Variants in CRIM1 observed in about 807,000 individuals in gnomAD.
CRIM1 encodes cysteine-rich motor neuron 1 protein.
A neutral mutation model predicts 116.4 loss-of-function variants in CRIM1; 32 were observed. That is an observed-to-expected ratio of 0.27 (90% CI 0.21 to 0.37). The LOEUF (loss-of-function observed/expected upper bound fraction) is 0.37, where lower values mean the gene tolerates loss of function less well. Among genes scored for constraint, CRIM1 ranks in the 10% least tolerant of loss-of-function variants. The pLI, the probability that CRIM1 is intolerant of heterozygous loss-of-function variation, is 1.00. For synonymous variants in CRIM1, 590 were observed against 509.2 expected (o/e 1.16, Z -2.13); for missense variants, 1,331 against 1,354.8 (o/e 0.98, Z 0.28).
At chr2:36,487,643 T>A (rs1298722323) in intron 7 of CRIM1, among the ~76,000 whole-genome samples, 1 of 152,074 alleles carries the variant, frequency 6.6e-6, no homozygotes, top group African/African-American at 2.4e-5. Flanking sequence ...AGGCACTTTG[T>A]CTTCTATGAC....
intron 7 of CRIM1, among the ~76,000 whole-genome samples, chr2:36,483,609 G>A (rs547951058): frequency 1.4e-4 from 21 of 152,266 alleles, no homozygotes; most frequent in South Asian, 4.1e-4. Context: ...GTGCCTCTGC[G>A]CTGCAGTGCA....
chr2:36,382,008 C>T (rs554446882), intron 1 of CRIM1, among the ~76,000 whole-genome samples: 2 of 152,282 alleles, frequency 1.3e-5, no homozygotes, highest in East Asian at 3.9e-4. Context: ...CTGTTACCTC[C>T]CTCAAAGAGG....
chr2:36,434,884 T>G (rs989945479), intron 2 of CRIM1, among the ~76,000 whole-genome samples: 1 of 152,176 alleles, frequency 6.6e-6, no homozygotes, highest in African/African-American at 2.4e-5. Flanking sequence ...GCTTTGTGTT[T>G]TGTGTGCTTT....
chr2:36,535,101 G>A (rs768739021), intron 13 of CRIM1, among the ~76,000 whole-genome samples: 21 of 133,906 alleles, frequency 1.6e-4, no homozygotes, highest in Non-Finnish European at 2.2e-4. Flanking sequence ...AGGAATGAAG[G>A]AGAGAGGGAA....
At chr2:36,455,879 C>T (rs1677095487) in intron 4 of CRIM1, among the ~76,000 whole-genome samples, 2 of 152,164 alleles carry the variant, frequency 1.3e-5, no homozygotes, top group African/African-American at 4.8e-5. Context: ...AGTCCCAGAG[C>T]AGTGCTCTCT....
chr2:36,485,753 A>G (rs1395283900), intron 7 of CRIM1, among the ~76,000 whole-genome samples: 1 of 152,216 alleles, frequency 6.6e-6, no homozygotes, highest in African/African-American at 2.4e-5. Flanking sequence ...CTGGTACATA[A>G]CAGGGATCAA....
At chr2:36,360,801 A>G (rs1321997886) in intron 1 of CRIM1, among the ~76,000 whole-genome samples, 2 of 152,276 alleles carry the variant, frequency 1.3e-5, no homozygotes, top group East Asian at 3.9e-4. Context: ...CACGAATTTT[A>G]ATTCACTCAT....
At chr2:36,359,161 A>G (rs1471599364) in intron 1 of CRIM1, among the ~76,000 whole-genome samples, 3 of 152,294 alleles carry the variant, frequency 2.0e-5, no homozygotes, top group East Asian at 1.9e-4. Flanking sequence ...ATAGGAATCA[A>G]TATATTTTAT....
At chr2:36,448,115 T>A (rs947422429) in intron 4 of CRIM1, among the ~76,000 whole-genome samples, 25 of 152,244 alleles carry the variant, frequency 1.6e-4, no homozygotes, top group African/African-American at 5.5e-4. Flanking sequence ...TAGGTTAAAC[T>A]AGGTTTTCTC....
intron 4 of CRIM1, among the ~76,000 whole-genome samples, chr2:36,459,972 G>A (rs1677452056): frequency 6.6e-6 from 1 of 152,146 alleles, no homozygotes; most frequent in Admixed American, 6.5e-5. Flanking sequence ...GCTTAAATGT[G>A]TACTCACCGC....
chr2:36,520,150 G>T (rs1237516202), intron 12 of CRIM1, among the ~76,000 whole-genome samples: 3 of 152,170 alleles, frequency 2.0e-5, no homozygotes, highest in African/African-American at 7.2e-5. Context: ...ACTCTACCTC[G>T]GCTCCAGCCC....
chr2:36,403,334 T>G (rs774431745), intron 2 of CRIM1, among the ~76,000 whole-genome samples: 1 of 152,220 alleles, frequency 6.6e-6, no homozygotes, highest in Non-Finnish European at 1.5e-5. Context: ...TTTGGCTGTT[T>G]TGAATTATTT....
chr2:36,498,598 C>T (rs1187458772), intron 7 of CRIM1, among the ~76,000 whole-genome samples: 1 of 152,198 alleles, frequency 6.6e-6, no homozygotes, highest in Non-Finnish European at 1.5e-5. Context: ...TGGCTGCTCA[C>T]TCTTTGTCCT....
chr2:36,487,120 A>G (rs1307745031), intron 7 of CRIM1, among the ~76,000 whole-genome samples: 1 of 152,216 alleles, frequency 6.6e-6, no homozygotes, highest in Non-Finnish European at 1.5e-5. Context: ...TTCAACAGAT[A>G]CCATTTTACC....
intron 8 of CRIM1, among the ~76,000 whole-genome samples, chr2:36,503,607 A>C (rs933322434): frequency 1.3e-5 from 2 of 150,152 alleles, no homozygotes; most frequent in Admixed American, 1.3e-4. Flanking sequence ...TCACACCAAC[A>C]GCTTTCCTTT....
At chr2:36,540,852 GA>G in intron 14 of CRIM1, among the ~76,000 whole-genome samples, 1 of 152,174 alleles carries the variant, frequency 6.6e-6, no homozygotes, top group East Asian at 1.9e-4. Context: ...GGTAGAAATA[GA>G]GGTCAATTCA....
chr2:36,516,354 C>G (rs1386998975), intron 11 of CRIM1, among the ~76,000 whole-genome samples: 1 of 152,196 alleles, frequency 6.6e-6, no homozygotes, highest in African/African-American at 2.4e-5. Context: ...TCAACACTGT[C>G]AACACATTCC....
At chr2:36,373,583 T>C (rs1670091081) in intron 1 of CRIM1, among the ~76,000 whole-genome samples, 1 of 152,152 alleles carries the variant, frequency 6.6e-6, no homozygotes, top group African/African-American at 2.4e-5. Flanking sequence ...AGCAAACCGA[T>C]GGGGCATTTT....
chr2:36,377,203 C>T lies in CRIM1; in HGVS notation c.332-19411C>T, dbSNP rs572575351. On this transcript the variant is annotated intron_variant, in intron 1 of 16. Coordinates refer to ENST00000280527, the MANE Select transcript of CRIM1 (RefSeq NM_016441.3). ...TGGTGGCGCTGGTCTCACTCCAGTG[C>T]TGGCTCTGCCCTCTTGGCCCTGTTG... Among the ~76,000 whole-genome samples the T allele has an allele frequency of 2.6e-5, 4 of 152,358 alleles. No individual in the cohort carries two copies. The South Asian group carries it at 8.3e-4, about 32-fold the overall frequency.
Sources: gnomAD v4.1 joint callset for allele counts (sites outside exome capture counted in the v4.1 genomes callset) on GRCh38, gnomAD v4.1.1 for gene constraint, MANE v1.5 for transcripts, NCBI Gene and HGNC (gene_info 2026-07-23, HGNC 2026-07-21) for gene names.